The following PCDHA11 variants were observed in gnomAD, a reference collection of about 807,000 sequenced individuals.
PCDHA11 encodes protocadherin alpha 11, also known as protocadherin alpha-11.
PCDHA11 carries 61 observed loss-of-function variants against 70.3 expected under a neutral mutation model. That is an observed-to-expected ratio of 0.87 (90% confidence interval 0.71 to 1.07). PCDHA11 has a LOEUF of 1.07. PCDHA11 is among the 50% of genes least tolerant of loss of function. PCDHA11 has a pLI of 0.00. For synonymous variants in PCDHA11, 633 were observed against 555.1 expected, an observed-to-expected ratio of 1.14 and a Z score of -1.97; for missense variants, 1,324 against 1,237.5, an observed-to-expected ratio of 1.07 and a Z score of -1.05.
chr5:141,006,425 G>A (rs1483231288), intron 3 of PCDHA11, among the ~76,000 whole-genome samples: 2 of 152,080 alleles, frequency 1.3e-5, no homozygotes, highest in African/African-American at 4.8e-5. Context: ...GTGTTAGCCA[G>A]GATGGTCTCA....
Position 140,929,271 on chromosome 5 carries a change from A to G in PCDHA11, c.2392-49678A>G, listed in dbSNP as rs782266407. 9.9e-6 allele frequency: 16 copies of G among 1,610,716 alleles called. No individual in the cohort carries two copies. In the Admixed American group the frequency reaches 2.7e-4, roughly 27 times the overall value. On this transcript the variant is annotated intron_variant, in intron 1 of 3. Transcript: ENST00000398640. ...CTGGGGTAGGACTGAATTTGCCAAT[A>G]TCCTGTATTCAGATTCGGAATAGGA...
At position 140,870,732 on chromosome 5, in the gene PCDHA11, T is replaced by G. The variant is rs782731773; in HGVS notation, c.1629T>G (p.Pro543=). The change falls in exon 1 of 4, where the codon CCT becomes CCG. Residue 543 remains proline, a synonymous_variant. Coordinates refer to ENST00000398640, the MANE Select transcript of PCDHA11 (RefSeq NM_018902.5). ...QVSARDAGVP[P]LSSNVTLQVF... is the part of the protein sequence containing the mutation. ...GCGCGCGCGATGCGGGCGTGCCGCC[T>G]CTGAGCAGCAACGTGACGCTGCAGG... 27 of 1,613,288 alleles carry G rather than the reference T, an allele frequency of 1.7e-5. No individual in the cohort carries two copies. Among genetic ancestry groups the G allele is most frequent in the African/African-American group, 2.7e-5 (2 of 74,928 alleles).
At chr5:140,921,538 A>C (rs572073676) in intron 1 of PCDHA11, among the ~76,000 whole-genome samples, 2 of 152,344 alleles carry the variant, frequency 1.3e-5, no homozygotes, top group Admixed American at 6.5e-5. Flanking sequence ...CTGATAGAAC[A>C]TTCTGCAAAA....
At chr5:140,898,956 T>G (rs1352076218) in intron 1 of PCDHA11, among the ~76,000 whole-genome samples, 1 of 152,130 alleles carries the variant, frequency 6.6e-6, no homozygotes, top group African/African-American at 2.4e-5. Flanking sequence ...GAAGCAGTTG[T>G]GAATGGGAGT....
chr5:140,966,885 C>A (rs1554228854), intron 1 of PCDHA11: 1 of 1,590,816 alleles, frequency 6.3e-7, no homozygotes, highest in Admixed American at 1.7e-5. Flanking sequence ...CCTGGCCCTG[C>A]GGCCTCCCAG....
Position 140,877,146 on chromosome 5 carries a change from G to A in PCDHA11, c.2391+5652G>A, listed in dbSNP as rs781819140. The A allele has an allele frequency of 1.9e-6, 3 of 1,613,818 alleles. No individual in the cohort carries two copies. In the East Asian group the frequency reaches 6.7e-5, roughly 36 times the overall value. On this transcript the variant is annotated intron_variant, in intron 1 of 3. Coordinates refer to ENST00000398640, the MANE Select transcript of PCDHA11 (RefSeq NM_018902.5). ...CGCTGCAGGTGTTCGTGCTGGACGA[G>A]AACGACAACGCGCCGGCACTGCTGG...
intron 1 of PCDHA11, among the ~76,000 whole-genome samples, chr5:140,974,301 A>G (rs2096621600): frequency 6.6e-6 from 1 of 152,190 alleles, no homozygotes; most frequent in Non-Finnish European, 1.5e-5. Context: ...AGGAGGTACA[A>G]CTGTGAGTGA....
chr5:140,975,752 A>G (rs577986836), intron 1 of PCDHA11, among the ~76,000 whole-genome samples: 2 of 152,320 alleles, frequency 1.3e-5, no homozygotes, highest in East Asian at 1.9e-4. Flanking sequence ...CAAATATTCT[A>G]TGTCATAAAT....
At chr5:140,979,178 G>C (rs782006168) in intron 2 of PCDHA11, 171 bp downstream of exon 2, 32 of 944,022 alleles carry the variant, frequency 3.4e-5, no homozygotes, top group Non-Finnish European at 4.0e-5. Flanking sequence ...GATCGCAAAT[G>C]GTCAGTGCCA....
intron 1 of PCDHA11, chr5:140,877,410 C>G (rs1339534741): frequency 7.4e-6 from 12 of 1,613,922 alleles, no homozygotes; most frequent in Non-Finnish European, 9.3e-6. Context: ...CGCGCCACCG[C>G]CTGCTGGTGC....
At chr5:140,883,888 T>C (rs781919107) in intron 1 of PCDHA11, 12 of 1,612,946 alleles carry the variant, frequency 7.4e-6, no homozygotes, top group African/African-American at 5.4e-5. Flanking sequence ...CGCGCGACTC[T>C]GGCGTGCCGC....
chr5:141,003,406 G>A (rs2098122557), intron 3 of PCDHA11, among the ~76,000 whole-genome samples: 1 of 152,134 alleles, frequency 6.6e-6, no homozygotes, highest in African/African-American at 2.4e-5. Flanking sequence ...CCGCCTCCCG[G>A]GTTCGAGTGA....
chr5:140,883,096 T>G (rs2059436763), intron 1 of PCDHA11: 1 of 1,614,006 alleles, frequency 6.2e-7, no homozygotes, highest in Non-Finnish European at 8.5e-7. Flanking sequence ...CAAATGGAGA[T>G]ATAGTTTACT....
chr5:140,944,099 C>G (rs1585153302), intron 1 of PCDHA11, among the ~76,000 whole-genome samples: 1 of 152,264 alleles, frequency 6.6e-6, no homozygotes, highest in East Asian at 1.9e-4. Context: ...AAGTTTATAT[C>G]TCATGGGAAA....
intron 1 of PCDHA11, chr5:140,877,444 G>A (rs782552942): frequency 6.2e-7 from 1 of 1,613,864 alleles, no homozygotes; most frequent in South Asian, 1.1e-5. Context: ...CGGTGAGCCC[G>A]CGCTGACGTC....
In PCDHA11 at chr5:140,870,302, T is replaced by A. The variant is rs782099481; in HGVS notation, c.1199T>A (p.Phe400Tyr). 5.6e-6 allele frequency: 9 copies of A among 1,614,020 alleles called. No individual in the cohort carries two copies. Among genetic ancestry groups the A allele is most frequent in the South Asian group, 4.4e-5 (4 of 91,088 alleles). ...PHVPFKLVST[F>Y]KNYYSLVLDS... ...GTTCCCTTCAAGCTGGTGTCCACCT[T>A]CAAGAATTACTACTCGTTGGTGCTG... Residue 400 changes from phenylalanine (F) to tyrosine (Y), a missense_variant, in exon 1 of 4, where the codon TTC (phenylalanine) becomes TAC (tyrosine). Physicochemically the swap from Phe to Tyr is conservative, Grantham distance 22. Coordinates refer to ENST00000398640, the MANE Select transcript of PCDHA11 (RefSeq NM_018902.5).
chr5:140,958,385 A>C (rs2095421525), intron 1 of PCDHA11, among the ~76,000 whole-genome samples: 1 of 152,206 alleles, frequency 6.6e-6, no homozygotes, highest in African/African-American at 2.4e-5. Flanking sequence ...TTTTCTTAAC[A>C]GGTCATCAAA....
chr5:140,909,437 C>T (rs2074495257), intron 1 of PCDHA11, among the ~76,000 whole-genome samples: 1 of 152,198 alleles, frequency 6.6e-6, no homozygotes, highest in African/African-American at 2.4e-5. Flanking sequence ...TGATAATCCA[C>T]TGTCATTCTC....
chr5:140,963,301 A>T (rs2095755158), intron 1 of PCDHA11, among the ~76,000 whole-genome samples: 1 of 152,238 alleles, frequency 6.6e-6, no homozygotes, highest in Non-Finnish European at 1.5e-5. Flanking sequence ...GAGAGAAAAT[A>T]AGAAGCTGTT....
Sources: allele counts gnomAD v4.1 joint callset (sites outside exome capture counted in the v4.1 genomes callset), GRCh38; gene constraint gnomAD v4.1.1; transcripts MANE v1.5; gene names NCBI Gene and HGNC (gene_info 2026-07-23, HGNC 2026-07-21).